Variants in HECTD2 observed in about 807,000 individuals in gnomAD.
HECTD2 encodes probable E3 ubiquitin-protein ligase HECTD2.
A neutral mutation model predicts 103.2 loss-of-function variants in HECTD2; 35 were observed. The observed-to-expected ratio is 0.34, with a 90% CI of 0.26 to 0.45. The LOEUF is 0.45. Ranked by LOEUF, HECTD2 falls within the 20% of genes least tolerant of loss-of-function variation. The pLI, the probability that HECTD2 is intolerant of heterozygous loss-of-function variation, is 1.00. For synonymous variants in HECTD2, 281 were observed against 329.9 expected (o/e 0.85, Z 1.61); for missense variants, 596 against 937.4 (o/e 0.64, Z 4.76).
intron 20 of HECTD2, 68 bp downstream of exon 20, chr10:91,501,402 T>C: frequency 9.9e-7 from 1 of 1,005,752 alleles, no homozygotes; most frequent in Non-Finnish European, 1.4e-6. Flanking sequence ...TGATAATACA[T>C]TTGGAATCAG....
At chr10:91,434,539 G>A (rs1240222002) in intron 2 of HECTD2, among the ~76,000 whole-genome samples, 1 of 151,918 alleles carries the variant, frequency 6.6e-6, no homozygotes, top group Non-Finnish European at 1.5e-5. Context: ...GTCGTAAAGT[G>A]CCATTTTACA....
chr10:91,488,477 ATTTG>A, intron 11 of HECTD2: 1 of 152,264 alleles, frequency 6.6e-6, no homozygotes, highest in East Asian at 1.9e-4. Context: ...GCTCTAAACT[ATTTG>A]TTTAAGTGCT....
chr10:91,487,401 A>G lies in HECTD2; in HGVS notation c.1095-281A>G, dbSNP rs1330185353. The G allele has an allele frequency of 1.3e-5, 5 of 382,790 alleles. No individual in the cohort carries two copies. The highest frequency in any genetic ancestry group is 2.5e-5 in the Non-Finnish European group (5 of 201,482). 23.7% of individuals were successfully genotyped at this position (382,790 alleles called of 1,614,324 possible). On this transcript the variant is annotated intron_variant, in intron 10 of 20. Coordinates refer to ENST00000298068, the MANE Select transcript of HECTD2 (RefSeq NM_182765.6). The surrounding 1 kb of genome is among the most constrained non-coding windows in gnomAD (Gnocchi z 4.1). The stretch of plus-strand genomic sequence containing the variant: ...TGTTGTTCACAGGTGATGATATACA[A>G]TGAAATTATTTGTATAGACAATGTA...
chr10:91,476,481 A>G (rs1315094322), intron 5 of HECTD2, among the ~76,000 whole-genome samples: 1 of 152,170 alleles, frequency 6.6e-6, no homozygotes, highest in African/African-American at 2.4e-5. Flanking sequence ...TCTTTGTTGA[A>G]GACATTGAGC....
chr10:91,422,366 A>G (rs1843392732), intron 1 of HECTD2, among the ~76,000 whole-genome samples: 1 of 152,202 alleles, frequency 6.6e-6, no homozygotes, highest in South Asian at 2.1e-4. Context: ...AGATGTTTAC[A>G]GCTAAGTTAA....
At chr10:91,512,125 A>G (rs1847446121) in intron 20 of HECTD2, 139 bp from the exon 21 acceptor site, 3 of 837,500 alleles carry the variant, frequency 3.6e-6, no homozygotes, top group Non-Finnish European at 3.7e-6. Context: ...ATATCTGTTC[A>G]GTGAAGAAAT....
intron 2 of HECTD2, among the ~76,000 whole-genome samples, chr10:91,456,130 G>C (rs1190393962): frequency 6.6e-6 from 1 of 152,024 alleles, no homozygotes; most frequent in East Asian, 1.9e-4. Flanking sequence ...GTAGCCTGAT[G>C]GGGGGGTGGC....
intron 1 of HECTD2, among the ~76,000 whole-genome samples, chr10:91,415,065 T>TGTAA (rs1409613364): frequency 6.6e-6 from 1 of 151,708 alleles, no homozygotes; most frequent in Non-Finnish European, 1.5e-5. Flanking sequence ...CAGGACAGAG[T>TGTAA]GTAAGGGATG....
chr10:91,443,876 C>G (rs1285207092), intron 2 of HECTD2, among the ~76,000 whole-genome samples: 1 of 152,164 alleles, frequency 6.6e-6, no homozygotes, highest in African/African-American at 2.4e-5. Flanking sequence ...AATATGGCAA[C>G]ATCCAATGTC....
chr10:91,431,014 G>A (rs1328050647), intron 2 of HECTD2, among the ~76,000 whole-genome samples: 3 of 151,454 alleles, frequency 2.0e-5, no homozygotes, highest in Non-Finnish European at 4.4e-5. Flanking sequence ...GCAGCGGCTG[G>A]TACAGGTTGT....
At chr10:91,434,027 CTTTCT>C (rs1015715627) in intron 2 of HECTD2, among the ~76,000 whole-genome samples, 7 of 151,896 alleles carry the variant, frequency 4.6e-5, no homozygotes, top group African/African-American at 1.7e-4. Flanking sequence ...ACATTTCACC[CTTTCT>C]TTTATTACAG....
chr10:91,456,231 T>C (rs1233454879), intron 2 of HECTD2, among the ~76,000 whole-genome samples: 2 of 152,210 alleles, frequency 1.3e-5, no homozygotes, highest in East Asian at 1.9e-4. Flanking sequence ...TCCATTTGTT[T>C]ATGTCCTGTT....
intron 6 of HECTD2, among the ~76,000 whole-genome samples, chr10:91,480,866 A>G (rs965109081): frequency 6.6e-6 from 1 of 152,054 alleles, no homozygotes; most frequent in Non-Finnish European, 1.5e-5. Flanking sequence ...ACAAAATGTT[A>G]TAGCCTAGTT....
intron 2 of HECTD2, 84 bp downstream of exon 2, chr10:91,425,494 C>A: frequency 9.8e-7 from 1 of 1,015,664 alleles, no homozygotes; most frequent in Non-Finnish European, 1.4e-6. Context: ...CAGCATTGTT[C>A]TGATAGGTCT....
intron 2 of HECTD2, among the ~76,000 whole-genome samples, chr10:91,429,163 T>C (rs1185498536): frequency 6.6e-6 from 1 of 151,988 alleles, no homozygotes; most frequent in African/African-American, 2.4e-5. Context: ...TGGTTCTGTT[T>C]ATATGCTGGA....
chr10:91,449,698 G>T (rs1589493992), intron 2 of HECTD2, among the ~76,000 whole-genome samples: 1 of 152,066 alleles, frequency 6.6e-6, no homozygotes, highest in East Asian at 1.9e-4. Context: ...AAAGTCTCAG[G>T]ATACAAAATC....
intron 5 of HECTD2, among the ~76,000 whole-genome samples, chr10:91,468,125 G>A (rs1694071425): frequency 6.6e-6 from 1 of 152,154 alleles, no homozygotes; most frequent in South Asian, 2.1e-4. Flanking sequence ...CACTACCCCA[G>A]TCAAGTGTTT....
chr10:91,499,383 C>G (rs1846804612), intron 18 of HECTD2, among the ~76,000 whole-genome samples: 1 of 152,064 alleles, frequency 6.6e-6, no homozygotes, highest in African/African-American at 2.4e-5. Flanking sequence ...TCTTTTAGAG[C>G]TTTACAAACT....
At chr10:91,498,304 C>T (rs1564735625) in intron 16 of HECTD2, 122 bp downstream of exon 16, 5 of 685,008 alleles carry the variant, frequency 7.3e-6, no homozygotes, top group Non-Finnish European at 1.3e-5. Flanking sequence ...ATACAATCCT[C>T]TGTCTTAAAG....
Sources: allele counts gnomAD v4.1 joint callset (sites outside exome capture counted in the v4.1 genomes callset), GRCh38; gene constraint gnomAD v4.1.1; non-coding constraint Gnocchi (gnomAD v3.1); transcripts MANE v1.5; gene names NCBI Gene and HGNC (gene_info 2026-07-23, HGNC 2026-07-21).